RFX3: variants seen among roughly 807,000 people sequenced by gnomAD.
RFX3 encodes the protein regulatory factor X3.
Under a neutral mutation model 98.6 loss-of-function variants are expected in RFX3, and 14 were observed. That is an observed-to-expected ratio of 0.14 (90% CI 0.09 to 0.22). RFX3 has a LOEUF of 0.22. Among genes scored for constraint, RFX3 ranks in the 10% least tolerant of loss-of-function variants. The pLI is 1.00. For synonymous variants in RFX3, 383 were observed against 328.4 expected (o/e 1.17, Z -1.80); for missense variants, 639 against 926.9 (o/e 0.69, Z 4.03).
At chr9:3,501,912 G>A (rs1171903805) in intron 1 of RFX3, among the ~76,000 whole-genome samples, 2 of 151,814 alleles carry the variant, frequency 1.3e-5, no homozygotes, top group Admixed American at 1.3e-4. Context: ...GATTAGAACT[G>A]ACTATAAGAG....
chr9:3,223,294 A>T lies in RFX3; in HGVS notation c.*1748T>A, dbSNP rs918948861. 6.6e-6 allele frequency: 1 copy of T among 152,184 alleles called. No individual in the cohort carries two copies. Among genetic ancestry groups the T allele is most frequent in the Non-Finnish European group, 1.5e-5 (1 of 68,032 alleles). 9.4% of individuals were successfully genotyped at this position (152,184 alleles called of 1,614,324 possible). Reference sequence around the variant, plus strand: ...TTAAAAGAACCTTGGCTTTTCATGCAAATTAAAATGGGGCTGGGTGTAACT... The same window carrying T: ...TTAAAAGAACCTTGGCTTTTCATGCTAATTAAAATGGGGCTGGGTGTAACT... On this transcript the variant is annotated 3_prime_UTR_variant, in exon 17 of 17. Coordinates refer to ENST00000617270, the MANE Select transcript of RFX3 (RefSeq NM_001282116.2).
chr9:3,457,543 G>A (rs376099724), intron 1 of RFX3, among the ~76,000 whole-genome samples: 13 of 152,122 alleles, frequency 8.5e-5, no homozygotes, highest in African/African-American at 1.4e-4. Context: ...TATTACATCT[G>A]TCCCAACCAG....
intron 2 of RFX3, among the ~76,000 whole-genome samples, chr9:3,380,552 T>C (rs902574195): frequency 6.6e-6 from 1 of 152,196 alleles, no homozygotes; most frequent in Non-Finnish European, 1.5e-5. Context: ...ACCATATAGC[T>C]TGTAAGTGGC....
chr9:3,386,500 T>C (rs1332795271), intron 2 of RFX3, among the ~76,000 whole-genome samples: 2 of 152,096 alleles, frequency 1.3e-5, no homozygotes, highest in Non-Finnish European at 2.9e-5. Flanking sequence ...TGCCCAGTCA[T>C]ATAAGTAGAA....
intron 9 of RFX3, among the ~76,000 whole-genome samples, chr9:3,272,691 T>C (rs1824657272): frequency 6.6e-6 from 1 of 152,326 alleles, no homozygotes; most frequent in Admixed American, 6.5e-5. Flanking sequence ...GGAGCAACTA[T>C]TAATACCTTA....
chr9:3,254,838 A>C (rs1314798689), intron 14 of RFX3, among the ~76,000 whole-genome samples: 1 of 152,226 alleles, frequency 6.6e-6, no homozygotes, highest in African/African-American at 2.4e-5. Context: ...TTAATTTCTC[A>C]TCAACACATT....
chr9:3,256,750 T>C (rs1822195599), intron 14 of RFX3, among the ~76,000 whole-genome samples: 1 of 152,104 alleles, frequency 6.6e-6, no homozygotes, highest in South Asian at 2.1e-4. Flanking sequence ...TCTGAGGACA[T>C]GTAGGGCTTT....
At chr9:3,389,383 A>G (rs1273053826) in intron 2 of RFX3, among the ~76,000 whole-genome samples, 2 of 152,176 alleles carry the variant, frequency 1.3e-5, no homozygotes, top group East Asian at 1.9e-4. Flanking sequence ...CATTGGTCCA[A>G]AAAGTCTTTA....
intron 1 of RFX3, among the ~76,000 whole-genome samples, chr9:3,462,194 T>A (rs1248243644): frequency 6.6e-6 from 1 of 151,898 alleles, no homozygotes; most frequent in Non-Finnish European, 1.5e-5. Flanking sequence ...TGTAACAAAA[T>A]CCTATCAAAC....
intron 1 of RFX3, among the ~76,000 whole-genome samples, chr9:3,405,864 G>C (rs943961402): frequency 6.6e-6 from 1 of 152,090 alleles, no homozygotes; most frequent in Non-Finnish European, 1.5e-5. Flanking sequence ...TTAGAATATA[G>C]CTCCTGCCTA....
chr9:3,444,889 T>C (rs983501799), intron 1 of RFX3, among the ~76,000 whole-genome samples: 16 of 152,108 alleles, frequency 1.1e-4, no homozygotes, highest in African/African-American at 3.4e-4. Flanking sequence ...ACAGAAAGAG[T>C]TGAAGCAGAA....
At chr9:3,257,375 G>C (rs529151394) in intron 13 of RFX3, among the ~76,000 whole-genome samples, 176 bp from the exon 14 acceptor site, 1 of 152,206 alleles carries the variant, frequency 6.6e-6, no homozygotes, top group South Asian at 2.1e-4. Context: ...ATCTTTATCA[G>C]TTTTAAGGGA....
chr9:3,351,009 A>C (rs1835043837), intron 2 of RFX3, among the ~76,000 whole-genome samples: 1 of 152,086 alleles, frequency 6.6e-6, no homozygotes, highest in African/African-American at 2.4e-5. Context: ...TGATACTGTA[A>C]TGGTGGATAC....
chr9:3,267,243 T>C (rs1482422716), intron 11 of RFX3, among the ~76,000 whole-genome samples: 3 of 151,944 alleles, frequency 2.0e-5, no homozygotes, highest in African/African-American at 7.2e-5. Context: ...AGTAGACAAG[T>C]GCCTGAAGCA....
chr9:3,473,520 CAT>C (rs1209612238), intron 1 of RFX3, among the ~76,000 whole-genome samples: 8 of 152,260 alleles, frequency 5.3e-5, no homozygotes, highest in Admixed American at 1.3e-4. Flanking sequence ...GAATAATACA[CAT>C]GAGAAGCTCT....
At chr9:3,419,139 G>T (rs539327542) in intron 1 of RFX3, among the ~76,000 whole-genome samples, 1 of 151,858 alleles carries the variant, frequency 6.6e-6, no homozygotes, top group Non-Finnish European at 1.5e-5. Flanking sequence ...TTTCCATTTG[G>T]TTTAAAAAAA....
At chr9:3,476,945 T>C (rs1329735935) in intron 1 of RFX3, among the ~76,000 whole-genome samples, 1 of 152,154 alleles carries the variant, frequency 6.6e-6, no homozygotes, top group Non-Finnish European at 1.5e-5. Context: ...CTTAATTCAA[T>C]TTTCCCCATC....
At chr9:3,366,197 A>G (rs1254353649) in intron 2 of RFX3, among the ~76,000 whole-genome samples, 1 of 152,174 alleles carries the variant, frequency 6.6e-6, no homozygotes, top group African/African-American at 2.4e-5. Flanking sequence ...AGGACCCAAC[A>G]CAAATACAAG....
At chr9:3,386,663 T>C (rs1173437283) in intron 2 of RFX3, among the ~76,000 whole-genome samples, 7 of 152,116 alleles carry the variant, frequency 4.6e-5, no homozygotes, top group Non-Finnish European at 1.0e-4. Flanking sequence ...GTCAATAGTA[T>C]CAAGTGTCAA....
Sources: gnomAD v4.1 joint callset for allele counts (sites outside exome capture counted in the v4.1 genomes callset) on GRCh38, gnomAD v4.1.1 for gene constraint, MANE v1.5 for transcripts, NCBI Gene and HGNC (gene_info 2026-07-23, HGNC 2026-07-21) for gene names.